The following PRKAR1B variants were observed in gnomAD, a reference collection of about 807,000 sequenced individuals.
PRKAR1B encodes cAMP-dependent protein kinase type I-beta regulatory subunit.
A neutral mutation model predicts 46.5 loss-of-function variants in PRKAR1B; 22 were observed. That is an observed-to-expected ratio of 0.47 (90% confidence interval 0.34 to 0.68). PRKAR1B has a LOEUF of 0.68. Among genes scored for constraint, PRKAR1B ranks in the 30% least tolerant of loss-of-function variants. The pLI is 0.01. For synonymous variants in PRKAR1B, 259 were observed against 217.7 expected (o/e 1.19, Z -1.67); for missense variants, 445 against 535.6 (o/e 0.83, Z 1.67).
rs1457923886 is a variant in PRKAR1B, at chr7:604,295, C to T, written c.549+1898G>A. Among the ~76,000 whole-genome samples the T allele has an allele frequency of 3.9e-5, 6 of 152,234 alleles. No individual in the cohort carries two copies. In the South Asian group the frequency reaches 6.2e-4, roughly 16 times the overall value. ...GCAAAGCCAGCAGGAGATGACTCTG[C>T]GGCCTGGCAGCTGAGCCCAGGGTTG... On this transcript the variant is annotated intron_variant, in intron 6 of 10. Coordinates refer to ENST00000537384, the MANE Select transcript of PRKAR1B (RefSeq NM_001164760.2).
At chr7:682,842 G>T (rs1778770896) in intron 2 of PRKAR1B, among the ~76,000 whole-genome samples, 1 of 152,190 alleles carries the variant, frequency 6.6e-6, no homozygotes, top group South Asian at 2.1e-4. Flanking sequence ...CACATGACCT[G>T]AGTGTTCACC....
intron 1 of PRKAR1B, among the ~76,000 whole-genome samples, chr7:718,940 T>C (rs1013293415): frequency 6.4e-5 from 9 of 140,522 alleles, no homozygotes; most frequent in Non-Finnish European, 1.1e-4. Flanking sequence ...GGCATGATCA[T>C]AGCTCTTGGC....
chr7:575,627 C>T (rs1442488426), intron 9 of PRKAR1B, among the ~76,000 whole-genome samples: 1 of 152,192 alleles, frequency 6.6e-6, no homozygotes, highest in African/African-American at 2.4e-5. Flanking sequence ...CTCACTGTAG[C>T]CTTGAACTCC....
intron 8 of PRKAR1B, 89 bp from the exon 9 acceptor site, chr7:579,466 G>C: frequency 6.5e-7 from 1 of 1,544,502 alleles, no homozygotes; most frequent in Non-Finnish European, 8.7e-7. Context: ...TTCCCGAAAG[G>C]TGTCCTCAGA....
intron 6 of PRKAR1B, among the ~76,000 whole-genome samples, chr7:599,239 C>T (rs1309218989): frequency 3.3e-5 from 5 of 152,180 alleles, no homozygotes; most frequent in African/African-American, 4.8e-5. Flanking sequence ...GCAGTGCGGG[C>T]CCCACCCCAG....
At chr7:636,396 TCA>T (rs1784094038) in intron 4 of PRKAR1B, among the ~76,000 whole-genome samples, 1 of 16,272 alleles carries the variant, frequency 6.1e-5, no homozygotes, top group African/African-American at 2.1e-4. Flanking sequence ...GGCCGCGCCC[TCA>T]CGTCCTCCAC....
rs145688344 is a variant in PRKAR1B at position 691,642 on chromosome 7, C to T, written c.178-10916G>A. 4.4e-4 allele frequency: 576 copies of T among 1,301,316 alleles called. 2 individuals are homozygous for T. The African/African-American group carries it at 7.2e-3, about 16-fold the overall frequency. The allele number at this position is 1,301,316 out of a possible 1,614,324, so 80.6% of individuals were successfully genotyped here. ...CGTGTGCTGAATGGCATGTGGCCTC[C>T]GCCCAGGTCTCCAGGGAGCTGTTGG... On this transcript the variant is annotated intron_variant, in intron 2 of 10. Coordinates refer to ENST00000537384, the MANE Select transcript of PRKAR1B (RefSeq NM_001164760.2).
At chr7:599,257 G>T (rs1033541123) in intron 6 of PRKAR1B, among the ~76,000 whole-genome samples, 1 of 151,910 alleles carries the variant, frequency 6.6e-6, no homozygotes, top group African/African-American at 2.4e-5. Context: ...CAGCTGGTAC[G>T]CAAAGGGGCT....
At chr7:668,684 G>A (rs1455637917) in intron 4 of PRKAR1B, among the ~76,000 whole-genome samples, 1 of 152,158 alleles carries the variant, frequency 6.6e-6, no homozygotes, top group East Asian at 1.9e-4. Flanking sequence ...AGGGCCAAGG[G>A]CACAGGACCC....
intron 1 of PRKAR1B, chr7:712,651 C>T (rs1420948789): frequency 1.7e-5 from 2 of 120,316 alleles, no homozygotes; most frequent in Non-Finnish European, 3.6e-5. Flanking sequence ...GCTCTCCCCG[C>T]CCCCGCCCCA....
rs1784184342 is a variant in PRKAR1B, at chr7:551,419, C to T, written c.943G>A (p.Val315Met). 1.9e-6 allele frequency: 3 copies of T among 1,560,204 alleles called. No individual in the cohort carries two copies. The highest frequency in any genetic ancestry group is 2.6e-6 in the Non-Finnish European group (3 of 1,151,966). Residue 315 changes from valine to methionine, a missense_variant, in exon 10 of 11, where the codon GTG becomes ATG. This residue lies in a region of PRKAR1B where 127 missense variants were observed against 138.0 expected (regional missense o/e 0.92). Coordinates refer to ENST00000537384, the MANE Select transcript of PRKAR1B (RefSeq NM_001164760.2). ...TAGTCAGAGGGTCCCAGGCGCCCCA[C>T]CTCCACGTACTCCTCATTGGGGGAC... ...RRSPNEEYVE[V>M]GRLGPSDYFG...
In PRKAR1B at chr7:671,204, G is replaced by T. The variant is rs139556033; in HGVS notation, c.440+6025C>A. On this transcript the variant is annotated intron_variant, in intron 4 of 10. Coordinates refer to ENST00000537384, the MANE Select transcript of PRKAR1B (RefSeq NM_001164760.2). ...CCCTCCGTTGCCTTCATCGAGCTCC[G>T]CAGAATTCAGATTCTGAAGGTGGGC... 1.8e-3 allele frequency among the ~76,000 whole-genome samples: 272 copies of T among 147,686 alleles called. 2 individuals carry two copies. The highest frequency in any genetic ancestry group is 6.2e-3 in the African/African-American group (254 of 40,800).
chr7:698,073 GAAGGGAGCA>G (rs1779865518), intron 2 of PRKAR1B, among the ~76,000 whole-genome samples: 2 of 87,032 alleles, frequency 2.3e-5, no homozygotes, highest in African/African-American at 8.9e-5. Context: ...GGAGGGGAGG[GAAGGGAGCA>G]GAGGGGAGGG....
chr7:648,177 G>A (rs181730364), intron 4 of PRKAR1B, among the ~76,000 whole-genome samples: 7 of 151,854 alleles, frequency 4.6e-5, no homozygotes, highest in Admixed American at 3.9e-4. Context: ...CTTAAACTAC[G>A]TACCTCTTCA....
chr7:573,751 G>C (rs184543858), intron 9 of PRKAR1B, among the ~76,000 whole-genome samples: 2 of 152,330 alleles, frequency 1.3e-5, no homozygotes, highest in East Asian at 1.9e-4. Flanking sequence ...GAAAACACTG[G>C]AAGTTGTGCT....
intron 4 of PRKAR1B, among the ~76,000 whole-genome samples, chr7:648,245 G>A (rs1224157564): frequency 6.6e-6 from 1 of 152,140 alleles, no homozygotes; most frequent in East Asian, 1.9e-4. Context: ...GTTGCAAAAA[G>A]GAGTAATTTC....
At chr7:679,084 A>G (rs1040424111) in intron 3 of PRKAR1B, among the ~76,000 whole-genome samples, 1 of 152,236 alleles carries the variant, frequency 6.6e-6, no homozygotes, top group Non-Finnish European at 1.5e-5. Flanking sequence ...GTGAAACTCC[A>G]TCTCAAAAAA....
chr7:556,606 C>T (rs760369666), intron 9 of PRKAR1B, among the ~76,000 whole-genome samples: 1 of 152,232 alleles, frequency 6.6e-6, no homozygotes, highest in Non-Finnish European at 1.5e-5. Context: ...GGGGTCGGTC[C>T]CCGAGGCGTC....
intron 9 of PRKAR1B, among the ~76,000 whole-genome samples, chr7:567,528 A>T (rs1242563246): frequency 5.4e-5 from 8 of 148,660 alleles, no homozygotes; most frequent in Non-Finnish European, 1.0e-4. Context: ...CACCATCACC[A>T]TCATCACTAT....
Sources: gnomAD v4.1 joint callset for allele counts (sites outside exome capture counted in the v4.1 genomes callset) on GRCh38, gnomAD v4.1.1 for gene constraint, gnomAD v4.1.1 regional missense constraint, MANE v1.5 for transcripts, NCBI Gene and HGNC (gene_info 2026-07-23, HGNC 2026-07-21) for gene names.